SLTM: variants seen among roughly 807,000 people sequenced by gnomAD.
The protein encoded by SLTM is SAFB like transcription modulator.
A neutral mutation model predicts 134.6 loss-of-function variants in SLTM; 43 were observed. The ratio of observed to expected loss-of-function variants is 0.32; its 90% CI spans 0.25 to 0.41. The LOEUF is 0.41. Among genes scored for constraint, SLTM ranks in the 10% least tolerant of loss-of-function variants. The pLI is 1.00. For synonymous variants in SLTM, 424 were observed against 432.3 expected, an observed-to-expected ratio of 0.98 and a Z score of 0.24; for missense variants, 1,055 against 1,288.8, an observed-to-expected ratio of 0.82 and a Z score of 2.78.
Position 58,894,367 on chromosome 15 carries a change from A to G in SLTM, c.1377+66T>C, listed in dbSNP as rs575859339. ...CAAATTCTACTCCCTGCTACTGTTAACAGCTATGAGTTGAGAACTAGCCAT... is the reference window on the plus strand; with the variant it reads ...CAAATTCTACTCCCTGCTACTGTTAGCAGCTATGAGTTGAGAACTAGCCAT... On this transcript the variant is annotated intron_variant, in intron 10 of 20. Transcript: ENST00000380516. 369 of 1,570,938 alleles carry G rather than the reference A, an allele frequency of 2.3e-4. 1 individual carries two copies. Among genetic ancestry groups the G allele is most frequent in the Admixed American group, 3.5e-4 (20 of 57,502 alleles).
intron 2 of SLTM, among the ~76,000 whole-genome samples, chr15:58,922,598 T>C (rs2037166906): frequency 6.8e-6 from 1 of 146,152 alleles, no homozygotes; most frequent in South Asian, 2.1e-4. Flanking sequence ...ATATATATTA[T>C]ATACGTATAA....
chr15:58,893,867 G>A lies in SLTM; in HGVS notation c.1602C>T (p.Gly534=). 1 of 1,612,522 alleles carries A rather than the reference G, an allele frequency of 6.2e-7. No individual in the cohort carries two copies. The highest frequency in any genetic ancestry group is 1.1e-5 in the South Asian group (1 of 90,666). Residue 534 remains glycine (G), a synonymous_variant, in exon 12 of 21, where the codon GGC becomes GGT. Transcript: ENST00000380516. ...TTTTTTTAATCGATTCTGATGTTTGGCCACTTGCTCCATTATCATTCTTCT... is the reference window on the plus strand; with the variant it reads ...TTTTTTTAATCGATTCTGATGTTTGACCACTTGCTCCATTATCATTCTTCT... The part of the protein sequence containing the change: ...KDEKNDNGAS[G]QTSESIKKSE...
In SLTM at chr15:58,893,834, T is replaced by C. The variant is rs745930108; in HGVS notation, c.1635A>G (p.Glu545=). 3.7e-6 allele frequency: 6 copies of C among 1,608,712 alleles called. No individual in the cohort carries two copies. Among genetic ancestry groups the C allele is most frequent in the Non-Finnish European group, 5.1e-6 (6 of 1,178,818 alleles). Residue 545 remains glutamate, a synonymous_variant, in exon 12 of 21, where the codon GAA becomes GAG. Transcript: ENST00000380516. The stretch of plus-strand genomic sequence containing the variant: ...TGTATAGCATACTTATTCGCTTCTT[T>C]TCTTCACTTTTTTTAATCGATTCTG... ...QTSESIKKSE[E]KKRISSKSPG...
chr15:58,925,664 C>T (rs2037404329), intron 2 of SLTM, among the ~76,000 whole-genome samples: 1 of 152,090 alleles, frequency 6.6e-6, no homozygotes, highest in Non-Finnish European at 1.5e-5. Context: ...AAAATTACTA[C>T]AAAGATAATT....
At chr15:58,918,070 A>G (rs2036771430) in intron 2 of SLTM, among the ~76,000 whole-genome samples, 1 of 151,888 alleles carries the variant, frequency 6.6e-6, no homozygotes, top group African/African-American at 2.4e-5. Context: ...TTGGAACTTT[A>G]AAATAATTTT....
Position 58,890,306 on chromosome 15 carries a change from T to C in SLTM, c.2054A>G (p.Glu685Gly). The C allele has an allele frequency of 6.2e-7, 1 of 1,614,136 alleles. No homozygotes were observed. The highest frequency in any genetic ancestry group is 1.1e-5 in the South Asian group (1 of 91,076). Reference protein sequence around the residue: ...ERERMERERLERERIRIEQER... With the variant: ...ERERMERERLGRERIRIEQER... ...CTGTTCAATACGAATGCGTTCCCTTTCCAAGCGTTCGCGTTCCATTCTCTC... is the reference window on the plus strand; with the variant it reads ...CTGTTCAATACGAATGCGTTCCCTTCCCAAGCGTTCGCGTTCCATTCTCTC... Residue 685 changes from glutamate (E) to glycine (G), a missense_variant, in exon 15 of 21, where the codon GAA becomes GGA. Glu to Gly is a moderately conservative substitution (Grantham distance 98, BLOSUM62 -2). Coordinates refer to ENST00000380516, the MANE Select transcript of SLTM (RefSeq NM_024755.4).
intron 2 of SLTM, among the ~76,000 whole-genome samples, chr15:58,929,223 G>A (rs1024610283): frequency 6.6e-6 from 1 of 152,172 alleles, no homozygotes; most frequent in Admixed American, 6.5e-5. Context: ...GGCCGAGGCG[G>A]GAGGATTACC....
At position 58,892,884 on chromosome 15, in the gene SLTM, ACT is replaced by A. The variant is rs754841489; in HGVS notation, c.1898+11_1898+12del. Reference sequence around the variant, plus strand: ...ATATTTAAAGACAGGTATAAAACAGACTCTCTTCCTACCTTCGAAGTTCCATT... The same window carrying A: ...ATATTTAAAGACAGGTATAAAACAGACTCTTCCTACCTTCGAAGTTCCATT... On this transcript the variant is annotated intron_variant, in intron 14 of 20. Transcript: ENST00000380516. 22 of 1,609,144 alleles carry A rather than the reference ACT, an allele frequency of 1.4e-5. No individual in the cohort carries two copies. Among genetic ancestry groups the A allele is most frequent in the Middle Eastern group, 3.3e-4 (2 of 6,064 alleles).
chr15:58,922,302 G>A (rs1156526565), intron 2 of SLTM, among the ~76,000 whole-genome samples: 3 of 146,238 alleles, frequency 2.1e-5, no homozygotes, highest in Non-Finnish European at 3.0e-5. Context: ...GCTTGAACCC[G>A]GGTGGTGGAG....
intron 2 of SLTM, among the ~76,000 whole-genome samples, chr15:58,929,423 G>A (rs1219983087): frequency 6.6e-6 from 1 of 152,094 alleles, no homozygotes; most frequent in Admixed American, 6.6e-5. Flanking sequence ...ACTCTAGCCT[G>A]GGTGACAAGA....
rs1319405514 is a variant in SLTM, at chr15:58,893,929, C to CT, written c.1539dup (p.Glu514ArgfsTer6). 3 of 1,611,926 alleles carry CT rather than the reference C, an allele frequency of 1.9e-6. No individual in the cohort carries two copies. Among genetic ancestry groups the CT allele is most frequent in the African/African-American group, 1.3e-5 (1 of 74,600 alleles). The stretch of plus-strand genomic sequence containing the variant: ...TCTATTTTCTTAGTATCCTTGCTTT[C>CT]TTTTTTTTCAGATTTCTCAGACGAT... On this transcript the variant is annotated frameshift_variant, in exon 12 of 21. Transcript: ENST00000380516. LOFTEE classifies it high-confidence loss of function.
chr15:58,926,241 T>C (rs532087460), intron 2 of SLTM, among the ~76,000 whole-genome samples: 8 of 152,258 alleles, frequency 5.3e-5, no homozygotes, highest in South Asian at 2.1e-4. Context: ...GAGAAGAATA[T>C]AGACGGAAGG....
At chr15:58,902,748 G>C (rs2035576820) in intron 5 of SLTM, among the ~76,000 whole-genome samples, 1 of 149,948 alleles carries the variant, frequency 6.7e-6, no homozygotes. Context: ...TTTTGAGACA[G>C]AGTTTTGCTC....
At chr15:58,898,905 C>G (rs2035284357) in intron 7 of SLTM, 53 bp from the exon 8 acceptor site, 1 of 1,270,824 alleles carries the variant, frequency 7.9e-7, no homozygotes, top group Non-Finnish European at 1.1e-6. Flanking sequence ...AAAACAAACC[C>G]AAAACAGAAC....
chr15:58,907,651 T>C (rs1330866792), intron 5 of SLTM, among the ~76,000 whole-genome samples: 5 of 151,932 alleles, frequency 3.3e-5, no homozygotes, highest in Non-Finnish European at 5.9e-5. Context: ...AATTAAAGTA[T>C]TAGCAAACAA....
Position 58,923,459 on chromosome 15 carries a change from CAACT to C in SLTM, c.251-6464_251-6461del, listed in dbSNP as rs1181774599. Among the ~76,000 whole-genome samples, 12 of 152,292 alleles carry C rather than the reference CAACT, an allele frequency of 7.9e-5. No individual in the cohort carries two copies. In the East Asian group the frequency reaches 2.3e-3, roughly 29 times the overall value. ...GGGAGAAAGGGGTGACATGGCAGTT[CAACT>C]AACTTTGTGTGTAACCCCATCCTGT... is the stretch of plus-strand genomic sequence containing the variant. On this transcript the variant is annotated intron_variant, in intron 2 of 20. Coordinates refer to ENST00000380516, the MANE Select transcript of SLTM (RefSeq NM_024755.4).
rs762322084 is a variant in SLTM at position 58,894,110 on chromosome 15, AT to A, written c.1460del (p.Asn487IlefsTer35). The A allele has an allele frequency of 2.1e-5, 34 of 1,604,064 alleles. No individual in the cohort carries two copies. The highest frequency in any genetic ancestry group is 1.0e-4 in the Admixed American group (6 of 57,772). On this transcript the variant is annotated frameshift_variant, in exon 11 of 21. Coordinates refer to ENST00000380516, the MANE Select transcript of SLTM (RefSeq NM_024755.4). LOFTEE classifies it high-confidence loss of function. ...SSSRSSGDKKNTSDRSSKTQA... is the reference protein window; with the variant it reads ...SSSRSSGDKKXTSDRSSKTQA... ...CTTACTTGCTACTTCTATCACTCGT[AT>A]TTTTTTTATCTCCAGAACTTCTTGA...
chr15:58,928,446 T>C (rs1237976810), intron 2 of SLTM, among the ~76,000 whole-genome samples: 3 of 152,174 alleles, frequency 2.0e-5, no homozygotes, highest in Admixed American at 2.0e-4. Flanking sequence ...CATTCTAAGA[T>C]ACAAACATCT....
chr15:58,893,917 T>C lies in SLTM; in HGVS notation c.1552A>G (p.Thr518Ala). 6.2e-7 allele frequency: 1 copy of C among 1,613,252 alleles called. No homozygotes were observed. Among genetic ancestry groups the C allele is most frequent in the Non-Finnish European group, 8.5e-7 (1 of 1,179,846 alleles). The change falls in exon 12 of 21, where the codon ACT (threonine) becomes GCT (alanine). Residue 518 changes from threonine to alanine, a missense_variant. By Grantham distance (58) the Thr-to-Ala change is moderately conservative. Coordinates refer to ENST00000380516, the MANE Select transcript of SLTM (RefSeq NM_024755.4). ...TCATCTTTACCTTCTATTTTCTTAG[T>C]ATCCTTGCTTTCTTTTTTTTCAGAT... Reference protein sequence around the residue: ...EKSEKKESKDTKKIEGKDEKN... With the variant: ...EKSEKKESKDAKKIEGKDEKN...
Sources: allele counts gnomAD v4.1 joint callset (sites outside exome capture counted in the v4.1 genomes callset), GRCh38; gene constraint gnomAD v4.1.1; transcripts MANE v1.5; gene names NCBI Gene and HGNC (gene_info 2026-07-23, HGNC 2026-07-21).